The following UST variants were observed in gnomAD, a reference collection of about 807,000 sequenced individuals.
The protein encoded by UST is uronyl 2-sulfotransferase, also known as chondroitin sulfate 2-O-sulfotransferase.
Under a neutral mutation model 45.6 loss-of-function variants are expected in UST, and 21 were observed. The ratio of observed to expected loss-of-function variants is 0.46; its 90% CI spans 0.33 to 0.66. UST has a LOEUF of 0.66. UST is among the 30% of genes least tolerant of loss of function. The probability of loss-of-function intolerance (pLI) is 0.02; values close to 1 mark genes in which losing one functional copy is unlikely to be tolerated. For missense variants in UST, 463 were observed against 512.4 expected (o/e 0.90, Z 0.93); for synonymous variants, 215 against 200.6 (o/e 1.07, Z -0.61).
chr6:149,051,715 T>A (rs954365171), intron 7 of UST, among the ~76,000 whole-genome samples: 1 of 152,216 alleles, frequency 6.6e-6, no homozygotes, highest in Non-Finnish European at 1.5e-5. Flanking sequence ...CTCTTTGCCC[T>A]AAACCATCCA....
chr6:148,774,774 T>C (rs1385195191), intron 1 of UST, among the ~76,000 whole-genome samples: 2 of 152,200 alleles, frequency 1.3e-5, no homozygotes, highest in East Asian at 3.8e-4. Flanking sequence ...ATCCTAGCAC[T>C]TCGGGAGGCC....
intron 1 of UST, among the ~76,000 whole-genome samples, chr6:148,792,078 G>A (rs1417211028): frequency 1.3e-5 from 2 of 152,282 alleles, no homozygotes; most frequent in Middle Eastern, 3.4e-3. Context: ...AAGAGGGGAC[G>A]AGAGCCTAGG....
chr6:148,847,943 T>G (rs1778021222), intron 1 of UST, among the ~76,000 whole-genome samples: 1 of 152,214 alleles, frequency 6.6e-6, no homozygotes, highest in Non-Finnish European at 1.5e-5. Flanking sequence ...GACAGAGCTT[T>G]TGCTTTGAAA....
intron 5 of UST, among the ~76,000 whole-genome samples, chr6:149,017,799 T>TATATATATACAC (rs956279478): frequency 3.4e-4 from 50 of 148,914 alleles, no homozygotes; most frequent in African/African-American, 1.2e-3. Context: ...TATCCATATA[T>TATATATATACAC]ACACACACAC....
chr6:148,879,249 C>T (rs562261213), intron 1 of UST, among the ~76,000 whole-genome samples: 3 of 152,300 alleles, frequency 2.0e-5, no homozygotes, highest in African/African-American at 7.2e-5. Flanking sequence ...TCCCCTGTCA[C>T]TGGGAGTTCT....
chr6:148,869,214 G>A (rs1465919333), intron 1 of UST, among the ~76,000 whole-genome samples: 1 of 152,178 alleles, frequency 6.6e-6, no homozygotes, highest in Non-Finnish European at 1.5e-5. Context: ...TTGTTTTTTG[G>A]TGTTGTGTTT....
At chr6:148,875,709 C>G (rs1300950874) in intron 1 of UST, among the ~76,000 whole-genome samples, 3 of 152,228 alleles carry the variant, frequency 2.0e-5, no homozygotes, top group Admixed American at 6.5e-5. Flanking sequence ...GAGGCCGAGG[C>G]AGGAGAATTG....
intron 1 of UST, among the ~76,000 whole-genome samples, chr6:148,871,117 C>CCCCTCTCTCTCT (rs1554221900): frequency 1.0e-5 from 1 of 97,586 alleles, no homozygotes; most frequent in South Asian, 3.7e-4. Context: ...GCATTCTCTC[C>CCCCTCTCTCTCT]CTCTCTCTCT....
intron 7 of UST, among the ~76,000 whole-genome samples, chr6:149,024,085 A>G (rs1776018311): frequency 6.6e-6 from 1 of 152,258 alleles, no homozygotes; most frequent in Admixed American, 6.5e-5. Context: ...TCCATAAGCC[A>G]GGCCACTTGG....
At chr6:148,813,979 T>C (rs1418232174) in intron 1 of UST, among the ~76,000 whole-genome samples, 1 of 152,260 alleles carries the variant, frequency 6.6e-6, no homozygotes, top group Admixed American at 6.5e-5. Context: ...TTCATTTTCA[T>C]GTCTGTAAAA....
At chr6:149,047,370 T>G (rs990585738) in intron 7 of UST, among the ~76,000 whole-genome samples, 2 of 152,252 alleles carry the variant, frequency 1.3e-5, no homozygotes, top group African/African-American at 4.8e-5. Flanking sequence ...ATAGTCTTTA[T>G]GTCTTTAATG....
rs556504050 is a variant in UST at position 149,051,382 on chromosome 6, G to A, written c.938-22451G>A. On this transcript the variant is annotated intron_variant, in intron 7 of 7. Coordinates refer to ENST00000367463, the MANE Select transcript of UST (RefSeq NM_005715.3). ...GGCAGGCCCTCTGAACCCCATGGGC[G>A]CCTCTGCCAAGTGGTGGCGAGCATT... Among the ~76,000 whole-genome samples the A allele has an allele frequency of 1.3e-4, 20 of 152,258 alleles. 1 individual carries two copies. Among genetic ancestry groups the A allele is most frequent in the Admixed American group, 6.5e-4 (10 of 15,294 alleles).
intron 5 of UST, among the ~76,000 whole-genome samples, chr6:148,991,490 C>T (rs1239207403): frequency 2.7e-5 from 4 of 149,086 alleles, no homozygotes; most frequent in Non-Finnish European, 5.9e-5. Flanking sequence ...AGGTATATCT[C>T]CTAATGCTAT....
At chr6:148,876,806 T>C (rs1246738340) in intron 1 of UST, among the ~76,000 whole-genome samples, 1 of 151,772 alleles carries the variant, frequency 6.6e-6, no homozygotes, top group Non-Finnish European at 1.5e-5. Flanking sequence ...GGGCATGGCA[T>C]TGGGCTCCTC....
intron 4 of UST, 68 bp downstream of exon 4, chr6:148,954,019 C>A: frequency 7.6e-7 from 1 of 1,323,310 alleles, no homozygotes; most frequent in Non-Finnish European, 1.1e-6. Context: ...AGAAATCTAC[C>A]TTTATTTACA....
chr6:149,033,927 C>T (rs1776192395), intron 7 of UST, among the ~76,000 whole-genome samples: 1 of 152,140 alleles, frequency 6.6e-6, no homozygotes, highest in South Asian at 2.1e-4. Flanking sequence ...TGTTGCAGAG[C>T]CAATCACTTT....
chr6:148,799,346 C>T (rs1002948769), intron 1 of UST, among the ~76,000 whole-genome samples: 2 of 152,204 alleles, frequency 1.3e-5, no homozygotes, highest in Non-Finnish European at 2.9e-5. Flanking sequence ...CACAGATTGA[C>T]GCTCAGCTCC....
At chr6:148,892,583 A>G (rs576010921) in intron 2 of UST, among the ~76,000 whole-genome samples, 4 of 152,338 alleles carry the variant, frequency 2.6e-5, no homozygotes, top group Admixed American at 1.3e-4. Flanking sequence ...TAAAATTAAA[A>G]AAATAAAAAT....
chr6:148,987,949 A>G (rs1562321891), intron 5 of UST, among the ~76,000 whole-genome samples: 1 of 152,110 alleles, frequency 6.6e-6, no homozygotes, highest in Non-Finnish European at 1.5e-5. Context: ...AATATGGACT[A>G]TGCTCTCGAG....
Sources: allele counts gnomAD v4.1 joint callset (sites outside exome capture counted in the v4.1 genomes callset), GRCh38; gene constraint gnomAD v4.1.1; transcripts MANE v1.5; gene names NCBI Gene and HGNC (gene_info 2026-07-23, HGNC 2026-07-21).